GNG11: variants seen among roughly 807,000 people sequenced by gnomAD.
GNG11 encodes the protein G protein subunit gamma 11.
Under a neutral mutation model 7.4 loss-of-function variants are expected in GNG11, and 6 were observed. The observed-to-expected ratio is 0.81, with a 90% confidence interval of 0.44 to 1.60. The LOEUF (loss-of-function observed/expected upper bound fraction) is 1.60, where lower values mean the gene tolerates loss of function less well. GNG11 is among the 40% of genes most tolerant of loss of function. The pLI is 0.01. For synonymous variants in GNG11, 31 were observed against 25.9 expected, an observed-to-expected ratio of 1.20 and a Z score of -0.60; for missense variants, 65 against 83.0, an observed-to-expected ratio of 0.78 and a Z score of 0.84.
rs1794696309 is a variant in GNG11, at chr7:93,927,688, C to T, written c.*1472C>T. On this transcript the variant is annotated 3_prime_UTR_variant, in exon 2 of 2. Transcript: ENST00000248564. ...CCTCGTTCTGAAATTCCTTTCCTTT[C>T]CCTCTCTGGGAAAGAACAGAATACC... 1 of 152,162 alleles carries T rather than the reference C, an allele frequency of 6.6e-6. No homozygotes were observed. Among genetic ancestry groups the T allele is most frequent in the Non-Finnish European group, 1.5e-5 (1 of 68,034 alleles). The allele number at this position is 152,162 out of a possible 1,614,324, so 9.4% of individuals were successfully genotyped here. A position where few individuals can be genotyped will look rare whatever the true frequency, so the allele number is the denominator to read the frequency against.
At position 93,926,518 on chromosome 7, in the gene GNG11, G is replaced by A. The variant is rs1042760681; in HGVS notation, c.*302G>A. 5.6e-6 allele frequency: 1 copy of A among 178,696 alleles called. No individual in the cohort carries two copies. The highest frequency in any genetic ancestry group is 2.4e-5 in the African/African-American group (1 of 42,516). 11.1% of individuals were successfully genotyped at this position (178,696 alleles called of 1,614,324 possible). On this transcript the variant is annotated 3_prime_UTR_variant, in exon 2 of 2. Transcript: ENST00000248564. The stretch of plus-strand genomic sequence containing the variant: ...AAATAAAGTTTTGTCTTGGGAAGAT[G>A]AGTGTTGGTGATTTAAGAAGACACT...
At chr7:93,925,080 C>T (rs1384827673) in intron 1 of GNG11, among the ~76,000 whole-genome samples, 3 of 152,168 alleles carry the variant, frequency 2.0e-5, no homozygotes. Context: ...AGGAGAATGG[C>T]TAGAATCCGG....
rs1293382891 is a variant in GNG11, at chr7:93,927,994, A to T, written c.*1778A>T. 1 of 152,236 alleles carries T rather than the reference A, an allele frequency of 6.6e-6. No individual in the cohort carries two copies. The highest frequency in any genetic ancestry group is 2.4e-5 in the African/African-American group (1 of 41,450). The allele number at this position is 152,236 out of a possible 1,614,324, so 9.4% of individuals were successfully genotyped here. A position where few individuals can be genotyped will look rare whatever the true frequency, so the allele number is the denominator to read the frequency against. On this transcript the variant is annotated 3_prime_UTR_variant, in exon 2 of 2. Transcript: ENST00000248564. ...GGGATTTTAGAGCTTTGGTGCCTGT[A>T]AAGTTTTACTTCTATTAGCTGTTTC...
At position 93,926,448 on chromosome 7, in the gene GNG11, A is replaced by G. The variant is rs550617094; in HGVS notation, c.*232A>G. The G allele has an allele frequency of 1.2e-4, 35 of 288,628 alleles. No homozygotes were observed. Among genetic ancestry groups the G allele is most frequent in the South Asian group, 5.6e-4 (4 of 7,156 alleles). The allele number at this position is 288,628 out of a possible 1,614,324, so 17.9% of individuals were successfully genotyped here. A position where few individuals can be genotyped will look rare whatever the true frequency, so the allele number is the denominator to read the frequency against. Reference sequence around the variant, plus strand: ...GATGTACAATTATGGAAATAAGAACATTACTTGAGCATGACACTTCTTTCA... The same window carrying G: ...GATGTACAATTATGGAAATAAGAACGTTACTTGAGCATGACACTTCTTTCA... On this transcript the variant is annotated 3_prime_UTR_variant, in exon 2 of 2. Transcript: ENST00000248564.
rs370141216 is a variant in GNG11, at chr7:93,922,155, C to T, written c.18C>T (p.Ile6=). Residue 6 remains isoleucine (I), a synonymous_variant, in exon 1 of 2, where the codon ATC becomes ATT. Transcript: ENST00000248564. ...GGGCGAAAATGCCTGCCCTTCACAT[C>T]GAAGATTTGCCAGAGAAGGAAAAAC... is the stretch of plus-strand genomic sequence containing the variant. MPALH[I]EDLPEKEKLK... 71 of 1,592,430 alleles carry T rather than the reference C, an allele frequency of 4.5e-5. No homozygotes were observed. In the African/African-American group the frequency reaches 7.4e-4, roughly 17 times the overall value.
At chr7:93,922,703 C>T (rs1478653695) in intron 1 of GNG11, among the ~76,000 whole-genome samples, 1 of 152,024 alleles carries the variant, frequency 6.6e-6, no homozygotes, top group Non-Finnish European at 1.5e-5. Flanking sequence ...AAGAACAGTC[C>T]ACCGAAATTT....
In GNG11 at chr7:93,926,350, T is replaced by G. The variant is rs1794679704; in HGVS notation, c.*134T>G. On this transcript the variant is annotated 3_prime_UTR_variant, in exon 2 of 2. Coordinates refer to ENST00000248564, the MANE Select transcript of GNG11 (RefSeq NM_004126.4). ...TTTCTTAAGCACCATATAGATAGGG[T>G]TATGTATAAAAGCATATGTGCTACT... 5.1e-5 allele frequency: 32 copies of G among 625,104 alleles called. No homozygotes were observed. In the South Asian group the frequency reaches 8.9e-4, roughly 17 times the overall value. 38.7% of individuals were successfully genotyped at this position (625,104 alleles called of 1,614,324 possible).
intron 1 of GNG11, among the ~76,000 whole-genome samples, chr7:93,924,998 A>T (rs1794657928): frequency 6.6e-6 from 1 of 152,064 alleles, no homozygotes; most frequent in Admixed American, 6.5e-5. Flanking sequence ...CCCCGTCTCT[A>T]CTAAAAATAC....
Position 93,922,213 on chromosome 7 carries a change from G to C in GNG11, c.76G>C (p.Val26Leu), listed in dbSNP as rs374856384. ...KMEVEQLRKE[V>L]KLQRQQVSKC... ...GGAAGTTGAGCAGCTTCGCAAAGAA[G>C]TGAAGTTGCAGAGACAACAAGTAAG... Residue 26 changes from valine (V) to leucine (L), a missense_variant, in exon 1 of 2, where the codon GTG (valine) becomes CTG (leucine). Val to Leu is a conservative substitution (Grantham distance 32, BLOSUM62 1). Coordinates refer to ENST00000248564, the MANE Select transcript of GNG11 (RefSeq NM_004126.4). The C allele has an allele frequency of 1.9e-6, 3 of 1,589,640 alleles. No individual in the cohort carries two copies. Among genetic ancestry groups the C allele is most frequent in the Non-Finnish European group, 2.6e-6 (3 of 1,162,902 alleles).
Position 93,922,082 on chromosome 7 carries a change from C to G in GNG11, c.-56C>G. 1 of 1,141,044 alleles carries G rather than the reference C, an allele frequency of 8.8e-7. No individual in the cohort carries two copies. The highest frequency in any genetic ancestry group is 2.6e-5 in the East Asian group (1 of 38,410). The allele number at this position is 1,141,044 out of a possible 1,614,324, so 70.7% of individuals were successfully genotyped here. On this transcript the variant is annotated 5_prime_UTR_variant, in exon 1 of 2. Transcript: ENST00000248564. ...TGTTTCGGGACGCGCCGAGCTTCGC[C>G]GCTCTTCCAGCGGCTCCGCTGCCAG... is the stretch of plus-strand genomic sequence containing the variant.
At position 93,927,897 on chromosome 7, in the gene GNG11, A is replaced by G. The variant is rs749885111; in HGVS notation, c.*1681A>G. The G allele has an allele frequency of 6.6e-6, 1 of 152,176 alleles. No individual in the cohort carries two copies. The highest frequency in any genetic ancestry group is 1.5e-5 in the Non-Finnish European group (1 of 68,028). The allele number at this position is 152,176 out of a possible 1,614,324, so 9.4% of individuals were successfully genotyped here. ...CTACTCTTAGGAAGGATTTAGGAAT[A>G]GTAAAGGTGTATTTCTTCCAAACAG... On this transcript the variant is annotated 3_prime_UTR_variant, in exon 2 of 2. Transcript: ENST00000248564.
intron 1 of GNG11, among the ~76,000 whole-genome samples, chr7:93,924,718 T>C (rs1052817186): frequency 1.5e-4 from 23 of 152,238 alleles, no homozygotes; most frequent in African/African-American, 5.1e-4. Context: ...AACAAAGCAG[T>C]GTCTGTACTT....
chr7:93,924,148 A>C (rs561759009), intron 1 of GNG11, among the ~76,000 whole-genome samples: 10 of 152,334 alleles, frequency 6.6e-5, no homozygotes, highest in African/African-American at 2.2e-4. Flanking sequence ...CAGTCAATAA[A>C]TAGTTAACAT....
chr7:93,922,334 C>T, intron 1 of GNG11, 101 bp downstream of exon 1: 4 of 653,854 alleles, frequency 6.1e-6, no homozygotes, highest in Non-Finnish European at 1.0e-5. Context: ...TTATTTTTCC[C>T]CCTTTTTGTA....
At chr7:93,922,270 A>C in intron 1 of GNG11, 37 bp downstream of exon 1, 1 of 1,269,878 alleles carries the variant, frequency 7.9e-7, no homozygotes, top group Non-Finnish European at 1.1e-6. Context: ...CTTCTCTGAA[A>C]TGAAGCAGGG....
At chr7:93,923,440 A>AG (rs1395181872) in intron 1 of GNG11, among the ~76,000 whole-genome samples, 1 of 152,154 alleles carries the variant, frequency 6.6e-6, no homozygotes, top group Admixed American at 6.5e-5. Flanking sequence ...ACGCGTTTAA[A>AG]GGGGAAAAAA....
chr7:93,924,992 G>T (rs139154919), intron 1 of GNG11, among the ~76,000 whole-genome samples: 5 of 152,174 alleles, frequency 3.3e-5, no homozygotes, highest in Non-Finnish European at 7.4e-5. Context: ...GTGAAACCCC[G>T]TCTCTACTAA....
Position 93,926,458 on chromosome 7 carries a change from C to T in GNG11, c.*242C>T. ...TATGGAAATAAGAACATTACTTGAG[C>T]ATGACACTTCTTTCAGTATATTGCT... On this transcript the variant is annotated 3_prime_UTR_variant, in exon 2 of 2. Coordinates refer to ENST00000248564, the MANE Select transcript of GNG11 (RefSeq NM_004126.4). 1 of 265,988 alleles carries T rather than the reference C, an allele frequency of 3.8e-6. No individual in the cohort carries two copies. The highest frequency in any genetic ancestry group is 6.7e-5 in the East Asian group (1 of 14,906). The allele number at this position is 265,988 out of a possible 1,614,324, so 16.5% of individuals were successfully genotyped here.
Position 93,922,021 on chromosome 7 carries a change from A to G in GNG11, c.-117A>G. 1 of 588,112 alleles carries G rather than the reference A, an allele frequency of 1.7e-6. No individual in the cohort carries two copies. Among genetic ancestry groups the G allele is most frequent in the Non-Finnish European group, 3.0e-6 (1 of 332,328 alleles). 36.4% of individuals were successfully genotyped at this position (588,112 alleles called of 1,614,324 possible). A position where few individuals can be genotyped will look rare whatever the true frequency, so the allele number is the denominator to read the frequency against. ...GGGACCGCAGCAGGGCTGCAGTCAC[A>G]TCCTGCGCGGGTGGGCGGCGGGCCA... On this transcript the variant is annotated 5_prime_UTR_variant, in exon 1 of 2. Coordinates refer to ENST00000248564, the MANE Select transcript of GNG11 (RefSeq NM_004126.4).
Sources: allele counts gnomAD v4.1 joint callset (sites outside exome capture counted in the v4.1 genomes callset), GRCh38; gene constraint gnomAD v4.1.1; transcripts MANE v1.5; gene names NCBI Gene and HGNC (gene_info 2026-07-23, HGNC 2026-07-21).